Variants in RIF1 observed in about 807,000 individuals in gnomAD.
RIF1 encodes the protein replication timing regulatory factor 1.
A neutral mutation model predicts 247.1 loss-of-function variants in RIF1; 45 were observed. That is an observed-to-expected ratio of 0.18 (90% CI 0.14 to 0.23). The LOEUF (loss-of-function observed/expected upper bound fraction) is 0.23. Ranked by LOEUF, RIF1 falls within the 10% of genes least tolerant of loss-of-function variation. The probability of loss-of-function intolerance (pLI) is 1.00; values close to 1 mark genes in which losing one functional copy is unlikely to be tolerated. For missense variants in RIF1, 2,967 were observed against 2,862.5 expected (o/e 1.04, Z -0.83); for synonymous variants, 1,087 against 978.8 (o/e 1.11, Z -2.06).
chr2:151,450,198 G>A (rs1694052052), intron 20 of RIF1, among the ~76,000 whole-genome samples: 1 of 151,716 alleles, frequency 6.6e-6, no homozygotes, highest in Admixed American at 6.6e-5. Flanking sequence ...AGGGTGCTTT[G>A]TAATTTGAGA....
chr2:151,462,646 T>C (rs1426019235), intron 29 of RIF1, among the ~76,000 whole-genome samples, 180 bp downstream of exon 29: 1 of 108,056 alleles, frequency 9.3e-6, no homozygotes, highest in African/African-American at 2.6e-5. Flanking sequence ...CAGACACTAG[T>C]CAGTGTGTGT....
intron 9 of RIF1, 43 bp downstream of exon 9, chr2:151,428,965 T>A: frequency 7.8e-7 from 1 of 1,280,582 alleles, no homozygotes; most frequent in Non-Finnish European, 1.1e-6. Context: ...TGAATTTGTT[T>A]TGCTTAAAGC....
intron 35 of RIF1, among the ~76,000 whole-genome samples, chr2:151,474,434 T>C (rs1209307750): frequency 6.6e-6 from 1 of 152,220 alleles, no homozygotes; most frequent in Non-Finnish European, 1.5e-5. Context: ...ATCCCAGCAC[T>C]TTGGGAGGCC....
At position 151,445,365 on chromosome 2, in the gene RIF1, T is replaced by C. The variant is rs766920745; in HGVS notation, c.2014T>C (p.Leu672=). The C allele has an allele frequency of 6.2e-7, 1 of 1,605,686 alleles. No individual in the cohort carries two copies. Among genetic ancestry groups the C allele is most frequent in the Non-Finnish European group, 8.5e-7 (1 of 1,172,368 alleles). The change falls in exon 19 of 36, where the codon TTA becomes CTA. Residue 672 remains leucine, a synonymous_variant. Coordinates refer to ENST00000444746, the MANE Select transcript of RIF1 (RefSeq NM_018151.5). Reference sequence around the variant, plus strand: ...CAATGAAGTAAATCAAGGTGATGCCTTAGAACATAATTTTAGTGCCATCTA... The same window carrying C: ...CAATGAAGTAAATCAAGGTGATGCCCTAGAACATAATTTTAGTGCCATCTA... ...QTNEVNQGDA[L]EHNFSAIYGA... is the part of the protein sequence containing the mutation.
chr2:151,518,746 A>G, the RIF1 span, among the ~76,000 whole-genome samples: 1 of 152,174 alleles, frequency 6.6e-6, no homozygotes, highest in Non-Finnish European at 1.5e-5. Context: ...AAGTTTAAAT[A>G]TTTTTTAAAA....
In RIF1 at chr2:151,438,533, A is replaced by C. The variant is rs1573991761; in HGVS notation, c.1484-151A>C. On this transcript the variant is annotated intron_variant, in intron 13 of 35. Coordinates refer to ENST00000444746, the MANE Select transcript of RIF1 (RefSeq NM_018151.5). ...AAAACGAAGTGATAGTGTTTTATAA[A>C]CTTACTACAGGGTTGAGTATCATGA... 6 of 602,054 alleles carry C rather than the reference A, an allele frequency of 1.0e-5. No homozygotes were observed. In the Admixed American group the frequency reaches 1.7e-4, roughly 17 times the overall value. 37.3% of individuals were successfully genotyped at this position (602,054 alleles called of 1,614,324 possible). A position where few individuals can be genotyped will look rare whatever the true frequency, so the allele number is the denominator to read the frequency against.
chr2:151,427,219 CTTTTTTTTTT>C (rs1689255522), intron 8 of RIF1, among the ~76,000 whole-genome samples: 1 of 145,438 alleles, frequency 6.9e-6, no homozygotes, highest in Admixed American at 6.9e-5. Context: ...TCCTTTTTTT[CTTTTTTTTTT>C]GAGACAGAGT....
At chr2:151,473,202 C>CT (rs1207288578) in intron 34 of RIF1, among the ~76,000 whole-genome samples, 2 of 151,100 alleles carry the variant, frequency 1.3e-5, no homozygotes, top group Non-Finnish European at 2.9e-5. Context: ...GGTTACTGAA[C>CT]TTATTATTTT....
intron 6 of RIF1, among the ~76,000 whole-genome samples, chr2:151,418,466 A>G (rs1005871863): frequency 7.9e-5 from 12 of 151,744 alleles, no homozygotes; most frequent in African/African-American, 2.2e-4. Flanking sequence ...CAGCCTCCCA[A>G]TGTACCAGGA....
In RIF1 at chr2:151,462,524, TGTTA is replaced by T. The variant is rs1696347550; in HGVS notation, c.3363+59_3363+62del. ...AGAATCACCCTTCCATTATACAGTC[TGTTA>T]AACTGCTGAAATGTCTGTAGGTCTT... On this transcript the variant is annotated intron_variant, in intron 29 of 35. Transcript: ENST00000444746. 4.6e-6 allele frequency: 5 copies of T among 1,081,896 alleles called. No individual in the cohort carries two copies. In the Admixed American group the frequency reaches 9.2e-5, roughly 20 times the overall value. 67.0% of individuals were successfully genotyped at this position (1,081,896 alleles called of 1,614,324 possible).
chr2:151,442,917 G>A (rs764760027), intron 16 of RIF1, among the ~76,000 whole-genome samples: 6 of 151,736 alleles, frequency 4.0e-5, no homozygotes, highest in South Asian at 2.1e-4. Context: ...GACTACAGGC[G>A]CGTGCCACCC....
intron 14 of RIF1, among the ~76,000 whole-genome samples, chr2:151,439,436 G>A (rs1442638359): frequency 1.3e-5 from 2 of 152,052 alleles, no homozygotes; most frequent in Admixed American, 6.6e-5. Flanking sequence ...AGGCCGAGGC[G>A]GGCGGATCAC....
chr2:151,453,177 G>A (rs1558994037), intron 21 of RIF1, among the ~76,000 whole-genome samples: 1 of 151,988 alleles, frequency 6.6e-6, no homozygotes, highest in Non-Finnish European at 1.5e-5. Flanking sequence ...CCTCCCCCCA[G>A]AATATACATT....
intron 2 of RIF1, 92 bp downstream of exon 2, chr2:151,410,619 G>A (rs1419149498): frequency 9.7e-7 from 1 of 1,033,720 alleles, no homozygotes; most frequent in Non-Finnish European, 1.5e-6. Flanking sequence ...ATGAATGTGA[G>A]TTCTAGAAGT....
At chr2:151,524,792 G>A in the RIF1 span, among the ~76,000 whole-genome samples, 14 of 148,146 alleles carry the variant, frequency 9.5e-5, no homozygotes, top group Admixed American at 4.8e-4. Context: ...TCAGCCTCCC[G>A]AGTAGCTGGG....
At chr2:151,432,902 T>C (rs1362627183) in intron 9 of RIF1, among the ~76,000 whole-genome samples, 175 bp from the exon 10 acceptor site, 1 of 152,226 alleles carries the variant, frequency 6.6e-6, no homozygotes. Flanking sequence ...TCAGCTGTAC[T>C]GTAGTTTATC....
chr2:151,475,065 T>C lies in RIF1; in HGVS notation c.7413T>C (p.Ser2471=). The change falls in exon 36 of 36, where the codon TCT becomes TCC. Residue 2471 remains serine (S), a synonymous_variant. Transcript: ENST00000444746. ...SRWRSPSHEN[S]I is the part of the protein sequence containing the mutation. ...GGAGATCACCATCCCATGAAAATTC[T>C]ATTTAGTATTTTCAGAGAAAATTGA... 6.2e-7 allele frequency: 1 copy of C among 1,603,010 alleles called. No individual in the cohort carries two copies.
the RIF1 span, chr2:151,518,183 A>G: frequency 7.0e-6 from 5 of 715,768 alleles, no homozygotes; most frequent in Non-Finnish European, 1.3e-5. Context: ...ATTTGTTTCA[A>G]AAAGTTACCA....
At chr2:151,452,440 T>A (rs987289177) in intron 21 of RIF1, among the ~76,000 whole-genome samples, 1 of 152,230 alleles carries the variant, frequency 6.6e-6, no homozygotes, top group South Asian at 2.1e-4. Context: ...GTTTAAAGAT[T>A]AGGGACATAA....
Sources: gnomAD v4.1 joint callset for allele counts (sites outside exome capture counted in the v4.1 genomes callset) on GRCh38, gnomAD v4.1.1 for gene constraint, MANE v1.5 for transcripts, NCBI Gene and HGNC (gene_info 2026-07-23, HGNC 2026-07-21) for gene names.